The following PTPRJ variants were observed in gnomAD, a reference collection of about 807,000 sequenced individuals.
PTPRJ encodes protein tyrosine phosphatase receptor type J.
PTPRJ carries 129 observed loss-of-function variants against 141.3 expected under a neutral mutation model. That is an observed-to-expected ratio of 0.91 (90% CI 0.79 to 1.06). The LOEUF is 1.06. Among genes scored for constraint, PTPRJ ranks in the 50% least tolerant of loss-of-function variants. The pLI is 0.00. For synonymous variants in PTPRJ, 610 were observed against 640.5 expected (o/e 0.95, Z 0.72); for missense variants, 1,601 against 1,679.7 (o/e 0.95, Z 0.82).
Position 48,158,476 on chromosome 11 carries a change from T to G in PTPRJ, c.3439-1454T>G, listed in dbSNP as rs1262280162. Among the ~76,000 whole-genome samples, 1 of 151,142 alleles carries G rather than the reference T, an allele frequency of 6.6e-6. No homozygotes were observed. Among genetic ancestry groups the G allele is most frequent in the African/African-American group, 2.4e-5 (1 of 41,016 alleles). ...GATGAGGTAACTGAGGCTTGGGGAG[T>G]TTAAGAACTTGCCCACAAGGTAGGA... On this transcript the variant is annotated intron_variant, in intron 21 of 24. Transcript: ENST00000418331. This position sits in a 1 kb window ranked among gnomAD's most constrained non-coding sequence, Gnocchi z 4.4.
chr11:48,098,266 G>A (rs1264563295), intron 1 of PTPRJ, among the ~76,000 whole-genome samples: 2 of 152,226 alleles, frequency 1.3e-5, no homozygotes. Flanking sequence ...AATGGGGAAG[G>A]CCACGAGCTA....
chr11:48,021,424 A>T (rs1440725305), intron 1 of PTPRJ, among the ~76,000 whole-genome samples: 2 of 149,448 alleles, frequency 1.3e-5, no homozygotes, highest in South Asian at 2.1e-4. Flanking sequence ...AATAAATAAA[A>T]TAAAATAAAA....
intron 1 of PTPRJ, among the ~76,000 whole-genome samples, chr11:48,108,758 G>A (rs1267337568): frequency 6.6e-6 from 1 of 152,188 alleles, no homozygotes; most frequent in African/African-American, 2.4e-5. Context: ...AGGAAGATGA[G>A]CTGAAAAAGG....
chr11:48,145,035 A>G lies in PTPRJ; in HGVS notation c.2822A>G (p.His941Arg). The stretch of plus-strand genomic sequence containing the variant: ...GCTGGCTTCACCAACATTACCTTCC[A>G]CCCTCAAAACAAGGGGCTCATTGAT... ...CVAGFTNITF[H>R]PQNKGLIDGA... is the part of the protein sequence containing the mutation. Residue 941 changes from histidine (H) to arginine (R), a missense_variant, in exon 14 of 25, where the codon CAC becomes CGC. Physicochemically the swap from His to Arg is conservative, Grantham distance 29. Transcript: ENST00000418331. 1 of 1,613,900 alleles carries G rather than the reference A, an allele frequency of 6.2e-7. No individual in the cohort carries two copies. Among genetic ancestry groups the G allele is most frequent in the African/African-American group, 1.3e-5 (1 of 74,936 alleles).
Position 48,146,955 on chromosome 11 carries a change from A to G in PTPRJ, c.2991A>G (p.Arg997=). 1.9e-6 allele frequency: 3 copies of G among 1,613,214 alleles called. No individual in the cohort carries two copies. In the South Asian group the frequency reaches 3.3e-5, roughly 18 times the overall value. Reference sequence around the variant, plus strand: ...CTGTGGGAGGCTTCATCTTCTGGAGAAAGAAGAGGTGATATTGCTTATGCT... The same window carrying G: ...CTGTGGGAGGCTTCATCTTCTGGAGGAAGAAGAGGTGATATTGCTTATGCT... ...IVTVGGFIFW[R]KKRKDAKNNE... is the part of the protein sequence containing the mutation. The change falls in exon 15 of 25, where the codon AGA becomes AGG. Residue 997 remains arginine (R), a synonymous_variant. Coordinates refer to ENST00000418331, the MANE Select transcript of PTPRJ (RefSeq NM_002843.4).
intron 1 of PTPRJ, among the ~76,000 whole-genome samples, chr11:48,085,692 C>T (rs941854185): frequency 5.3e-5 from 8 of 152,096 alleles, no homozygotes; most frequent in Admixed American, 1.3e-4. Context: ...CTTTGGGGTC[C>T]TCAATAATTT....
intron 1 of PTPRJ, among the ~76,000 whole-genome samples, chr11:48,084,238 G>T (rs557074051): frequency 6.6e-6 from 1 of 152,044 alleles, no homozygotes; most frequent in Non-Finnish European, 1.5e-5. Context: ...GTGGAGTGGC[G>T]TGATCTTGGC....
At chr11:48,091,396 A>G (rs945835638) in intron 1 of PTPRJ, among the ~76,000 whole-genome samples, 4 of 152,140 alleles carry the variant, frequency 2.6e-5, no homozygotes, top group Non-Finnish European at 4.4e-5. Flanking sequence ...TTTTCTTGTT[A>G]TTTCCCTGTT....
chr11:48,043,586 C>T (rs563434749), intron 1 of PTPRJ, among the ~76,000 whole-genome samples: 100 of 152,150 alleles, frequency 6.6e-4, no homozygotes, highest in Non-Finnish European at 1.2e-3. Flanking sequence ...AGACAGCAGA[C>T]GGTCAAAGCA....
At chr11:48,131,594 TTGTC>T (rs1198894833) in intron 8 of PTPRJ, 2 of 753,934 alleles carry the variant, frequency 2.7e-6, no homozygotes, top group African/African-American at 1.7e-5. Flanking sequence ...ATTTGGCTCA[TTGTC>T]TGTTTTTGTA....
At chr11:48,028,787 G>A (rs189241843) in intron 1 of PTPRJ, among the ~76,000 whole-genome samples, 79 of 152,254 alleles carry the variant, frequency 5.2e-4, no homozygotes, top group African/African-American at 1.7e-3. Flanking sequence ...GTGAAACTCC[G>A]TCTCAAAAGC....
intron 1 of PTPRJ, among the ~76,000 whole-genome samples, chr11:47,984,353 C>A (rs1853991549): frequency 6.6e-6 from 1 of 152,166 alleles, no homozygotes; most frequent in Admixed American, 6.6e-5. Context: ...CTTCTCAGTT[C>A]ATTCACTTCT....
chr11:48,160,662 T>C (rs1435537774), intron 22 of PTPRJ, among the ~76,000 whole-genome samples: 1 of 152,184 alleles, frequency 6.6e-6, no homozygotes, highest in Non-Finnish European at 1.5e-5. Flanking sequence ...GCTGTTTATA[T>C]CACAGGCCTA....
At chr11:48,131,817 T>G in intron 8 of PTPRJ, 1 of 335,402 alleles carries the variant, frequency 3.0e-6, no homozygotes, top group Admixed American at 4.8e-5. Context: ...TAGGGATCCC[T>G]AGGTTCTTTC....
chr11:48,029,096 C>A (rs1853907909), intron 1 of PTPRJ, among the ~76,000 whole-genome samples: 1 of 152,070 alleles, frequency 6.6e-6, no homozygotes, highest in Non-Finnish European at 1.5e-5. Flanking sequence ...GGGTGCAGGC[C>A]CTCTGCTGAG....
At chr11:48,001,785 C>T (rs140723167) in intron 1 of PTPRJ, among the ~76,000 whole-genome samples, 8 of 152,220 alleles carry the variant, frequency 5.3e-5, no homozygotes, top group Non-Finnish European at 1.2e-4. Context: ...CAAGCCTAGG[C>T]TGCTTGCTGC....
chr11:48,055,578 A>G (rs1854731912), intron 1 of PTPRJ, among the ~76,000 whole-genome samples: 1 of 152,154 alleles, frequency 6.6e-6, no homozygotes, highest in African/African-American at 2.4e-5. Flanking sequence ...CCTCTACTCC[A>G]CATTCTCAGA....
chr11:48,163,356 C>A, intron 22 of PTPRJ, 102 bp from the exon 23 acceptor site: 4 of 1,133,718 alleles, frequency 3.5e-6, no homozygotes, highest in Non-Finnish European at 5.1e-6. Flanking sequence ...TTAGTCATTA[C>A]AACTCCTGGT....
At position 48,150,014 on chromosome 11, in the gene PTPRJ, AT is replaced by A. The variant is rs770650575; in HGVS notation, c.3050+24del. On this transcript the variant is annotated intron_variant, in intron 17 of 24. Coordinates refer to ENST00000418331, the MANE Select transcript of PTPRJ (RefSeq NM_002843.4). ...GACCTAAAAAGTGAGTAATCTCTTT[AT>A]TTTTTTTAATAACTTGTACTTTTCT... The A allele has an allele frequency of 5.2e-5, 78 of 1,495,874 alleles. No individual in the cohort carries two copies. The highest frequency in any genetic ancestry group is 5.0e-4 in the Admixed American group (28 of 56,404). 92.7% of individuals were successfully genotyped at this position (1,495,874 alleles called of 1,614,324 possible). A position where few individuals can be genotyped will look rare whatever the true frequency, so the allele number is the denominator to read the frequency against.
Sources: allele counts gnomAD v4.1 joint callset (sites outside exome capture counted in the v4.1 genomes callset), GRCh38; gene constraint gnomAD v4.1.1; non-coding constraint Gnocchi (gnomAD v3.1); transcripts MANE v1.5; gene names NCBI Gene and HGNC (gene_info 2026-07-23, HGNC 2026-07-21).